Variants in STEAP1B observed in about 807,000 individuals in gnomAD.
The protein encoded by STEAP1B is STEAP family protein MGC87042.
In STEAP1B, 13 loss-of-function variants were observed where a neutral mutation model predicts 27.9. The ratio of observed to expected loss-of-function variants is 0.47; its 90% confidence interval spans 0.30 to 0.74. The LOEUF is 0.74. Among genes scored for constraint, STEAP1B ranks in the 30% least tolerant of loss-of-function variants. The pLI is 0.06. For synonymous variants in STEAP1B, 86 were observed against 107.1 expected (o/e 0.80, Z 1.22); for missense variants, 250 against 298.7 (o/e 0.84, Z 1.20).
At chr7:22,484,742 G>T (rs1786170589) in intron 4 of STEAP1B, among the ~76,000 whole-genome samples, 1 of 152,156 alleles carries the variant, frequency 6.6e-6, no homozygotes, top group Admixed American at 6.5e-5. Flanking sequence ...GAATCTTCTG[G>T]AAAGATTTAC....
intron 4 of STEAP1B, among the ~76,000 whole-genome samples, chr7:22,481,530 A>T (rs1786073714): frequency 6.6e-6 from 1 of 152,240 alleles, no homozygotes; most frequent in Non-Finnish European, 1.5e-5. Context: ...AATGCAGAGT[A>T]TCAGGCCCCA....
At chr7:22,499,373 G>GTTTT (rs1242927392) in intron 1 of STEAP1B, among the ~76,000 whole-genome samples, 2 of 136,482 alleles carry the variant, frequency 1.5e-5, no homozygotes, top group African/African-American at 6.0e-5. Context: ...GTGAAGTCGA[G>GTTTT]TTTTTTGGGT....
chr7:22,465,065 A>C (rs769263833), intron 4 of STEAP1B, among the ~76,000 whole-genome samples: 5 of 149,832 alleles, frequency 3.3e-5, no homozygotes, highest in Admixed American at 1.3e-4. Flanking sequence ...GCCATTATTC[A>C]GTTTATAAAA....
At chr7:22,419,918 A>C in intron 4 of STEAP1B, 82 bp from the exon 5 acceptor site, 1 of 1,442,342 alleles carries the variant, frequency 6.9e-7, no homozygotes, top group Non-Finnish European at 9.3e-7. Flanking sequence ...TTTATTATGG[A>C]AAACATGAGA....
intron 4 of STEAP1B, among the ~76,000 whole-genome samples, chr7:22,454,666 G>C (rs1364873805): frequency 2.0e-5 from 3 of 151,674 alleles, no homozygotes; most frequent in African/African-American, 7.3e-5. Context: ...AGCTGTGCAC[G>C]GCCGAGGCTG....
intron 4 of STEAP1B, among the ~76,000 whole-genome samples, chr7:22,463,785 C>A (rs11771578): frequency 0.23 from 35,239 of 150,906 alleles, 5,233 homozygotes; most frequent in Non-Finnish European, 0.32. Flanking sequence ...CCCTTCCTTA[C>A]ACCTTATACA....
chr7:22,494,639 C>T (rs1360355333), intron 2 of STEAP1B, 133 bp downstream of exon 2: 3 of 595,068 alleles, frequency 5.0e-6, no homozygotes, highest in East Asian at 6.5e-5. Flanking sequence ...GTATCAGTGA[C>T]AGTAATCCAA....
rs185300982 is a variant in STEAP1B at position 22,489,791 on chromosome 7, T to C, written c.762+2774A>G. 1.4e-3 allele frequency among the ~76,000 whole-genome samples: 206 copies of C among 152,348 alleles called. 1 individual carries two copies. The highest frequency in any genetic ancestry group is 4.6e-3 in the African/African-American group (193 of 41,574). The stretch of plus-strand genomic sequence containing the variant: ...AGTTTAGAGCAGTTTTTTCCAATTC[T>C]GTGAAGAAAGTCATTGGTAGCTTGA... On this transcript the variant is annotated intron_variant, in intron 4 of 4. Transcript: ENST00000678116.
At chr7:22,454,502 AAG>A (rs1785540336) in intron 4 of STEAP1B, among the ~76,000 whole-genome samples, 1 of 152,094 alleles carries the variant, frequency 6.6e-6, no homozygotes, top group African/African-American at 2.4e-5. Context: ...AACTGACTGA[AAG>A]AGTAACCCAG....
chr7:22,484,190 A>C (rs925467158), intron 4 of STEAP1B, among the ~76,000 whole-genome samples: 3 of 152,220 alleles, frequency 2.0e-5, no homozygotes, highest in Non-Finnish European at 4.4e-5. Flanking sequence ...GCAGAATTTC[A>C]ATGTAGACAA....
At chr7:22,470,020 G>A (rs1313331176) in intron 4 of STEAP1B, among the ~76,000 whole-genome samples, 2 of 152,156 alleles carry the variant, frequency 1.3e-5, no homozygotes, top group African/African-American at 4.8e-5. Flanking sequence ...ATTATTACAT[G>A]TACCTATATT....
At chr7:22,420,275 T>C (rs974578727) in intron 4 of STEAP1B, among the ~76,000 whole-genome samples, 4 of 152,206 alleles carry the variant, frequency 2.6e-5, no homozygotes, top group African/African-American at 9.7e-5. Context: ...TAAAAGTGGC[T>C]TCTCCCTCTG....
At chr7:22,465,779 C>T (rs775591780) in intron 4 of STEAP1B, among the ~76,000 whole-genome samples, 8 of 152,078 alleles carry the variant, frequency 5.3e-5, no homozygotes, top group East Asian at 1.9e-4. Context: ...ACAGGAGAAC[C>T]GCCTTATGCA....
Position 22,488,430 on chromosome 7 carries a change from A to ACTCAG in STEAP1B, c.762+4134_762+4135insCTGAG, listed in dbSNP as rs879361896. ...AGAAGAAGGCGAGTGCCCTTGCCCT[A>ACTCAG]CCTAGTCACCCTCGAGGCTGAGTGC... On this transcript the variant is annotated intron_variant, in intron 4 of 4. Coordinates refer to ENST00000678116, the MANE Select transcript of STEAP1B (RefSeq NM_001382447.1). 9.5e-3 allele frequency among the ~76,000 whole-genome samples: 1,444 copies of ACTCAG among 152,262 alleles called. 15 individuals carry two copies. The highest frequency in any genetic ancestry group is 0.024 in the Middle Eastern group (7 of 294).
At chr7:22,444,540 C>G (rs1328784441) in intron 4 of STEAP1B, among the ~76,000 whole-genome samples, 1 of 152,218 alleles carries the variant, frequency 6.6e-6, no homozygotes, top group Non-Finnish European at 1.5e-5. Context: ...AGACACACTA[C>G]TCAAACCCAT....
At chr7:22,478,001 G>C (rs1323131680) in intron 4 of STEAP1B, among the ~76,000 whole-genome samples, 1 of 152,160 alleles carries the variant, frequency 6.6e-6, no homozygotes, top group Non-Finnish European at 1.5e-5. Context: ...GTGCTGCTCA[G>C]CTGAACCCAG....
At chr7:22,423,887 G>A (rs1785074448) in intron 4 of STEAP1B, among the ~76,000 whole-genome samples, 1 of 152,120 alleles carries the variant, frequency 6.6e-6, no homozygotes, top group African/African-American at 2.4e-5. Context: ...AAATTAGCTG[G>A]GTGTGGTGGC....
At chr7:22,441,489 CAGTCTGTG>C (rs139780425) in intron 4 of STEAP1B, among the ~76,000 whole-genome samples, 5,398 of 152,262 alleles carry the variant, frequency 0.035, 314 homozygotes, top group African/African-American at 0.12. Flanking sequence ...AATTCAATTA[CAGTCTGTG>C]AGACAAAGTC....
intron 4 of STEAP1B, among the ~76,000 whole-genome samples, chr7:22,441,573 T>C (rs573802748): frequency 2.6e-5 from 4 of 152,244 alleles, no homozygotes; most frequent in Non-Finnish European, 5.9e-5. Context: ...CCCCTGACTC[T>C]GTACCGCTCT....
Sources: allele counts gnomAD v4.1 joint callset (sites outside exome capture counted in the v4.1 genomes callset), GRCh38; gene constraint gnomAD v4.1.1; transcripts MANE v1.5; gene names NCBI Gene and HGNC (gene_info 2026-07-23, HGNC 2026-07-21).